FARS2: variants seen among roughly 807,000 people sequenced by gnomAD.
The protein encoded by FARS2 is phenylalanyl-tRNA synthetase 2, mitochondrial.
In FARS2, 40 loss-of-function variants were observed where a neutral mutation model predicts 46.4. That is an observed-to-expected ratio of 0.86 (90% CI 0.67 to 1.12). FARS2 has a LOEUF of 1.12. FARS2 is among the 50% of genes most tolerant of loss of function. FARS2 has a pLI of 0.00. For missense variants in FARS2, 513 were observed against 567.9 expected (o/e 0.90, Z 0.98); for synonymous variants, 234 against 214.9 (o/e 1.09, Z -0.78).
At chr6:5,701,295 C>T (rs1416551704) in intron 6 of FARS2, among the ~76,000 whole-genome samples, 1 of 152,258 alleles carries the variant, frequency 6.6e-6, no homozygotes, top group Non-Finnish European at 1.5e-5. Flanking sequence ...CATGAAAAGC[C>T]GGTGTTAGTG....
intron 4 of FARS2, among the ~76,000 whole-genome samples, chr6:5,459,534 G>A (rs755944446): frequency 1.3e-5 from 2 of 152,036 alleles, no homozygotes; most frequent in Non-Finnish European, 2.9e-5. Flanking sequence ...AATGTGCTCC[G>A]GTTGCCTGCT....
At chr6:5,752,579 A>G (rs745687094) in intron 6 of FARS2, among the ~76,000 whole-genome samples, 28 of 152,252 alleles carry the variant, frequency 1.8e-4, no homozygotes, top group Admixed American at 3.9e-4. Context: ...AGCAAGGATC[A>G]CTGCCAGAGT....
At chr6:5,527,377 G>A (rs987336339) in intron 4 of FARS2, among the ~76,000 whole-genome samples, 3 of 152,292 alleles carry the variant, frequency 2.0e-5, no homozygotes, top group Middle Eastern at 3.4e-3. Context: ...TATTCTTTCC[G>A]AAAGACTTAT....
chr6:5,684,959 G>T (rs774689382), intron 6 of FARS2, among the ~76,000 whole-genome samples: 6 of 152,164 alleles, frequency 3.9e-5, no homozygotes, highest in Admixed American at 6.5e-5. Flanking sequence ...AAAAGATTAA[G>T]TGGAGCCGGA....
At chr6:5,624,270 C>G (rs146119023) in intron 6 of FARS2, among the ~76,000 whole-genome samples, 1 of 152,336 alleles carries the variant, frequency 6.6e-6, no homozygotes, top group Non-Finnish European at 1.5e-5. Flanking sequence ...GCATCTCATT[C>G]CCATCACATA....
the FARS2 span, among the ~76,000 whole-genome samples, chr6:5,254,342 A>C: frequency 6.2e-4 from 94 of 152,360 alleles, no homozygotes; most frequent in African/African-American, 2.2e-3. Context: ...AGCAGGATGA[A>C]GAAAATGCTT....
At chr6:5,738,433 G>A (rs147783234) in intron 6 of FARS2, among the ~76,000 whole-genome samples, 1 of 152,156 alleles carries the variant, frequency 6.6e-6, no homozygotes, top group South Asian at 2.1e-4. Context: ...ACATTACTAC[G>A]ATCCAAAGTG....
intron 4 of FARS2, among the ~76,000 whole-genome samples, chr6:5,518,502 A>G (rs940617576): frequency 5.9e-5 from 9 of 152,230 alleles, no homozygotes; most frequent in Admixed American, 6.5e-5. Flanking sequence ...TAAAACAGTG[A>G]AATTCTATGA....
chr6:5,434,468 G>A (rs1189390587), intron 4 of FARS2, among the ~76,000 whole-genome samples: 1 of 152,176 alleles, frequency 6.6e-6, no homozygotes, highest in East Asian at 1.9e-4. Context: ...TGGAAGAAGA[G>A]ACAATTTTAT....
the FARS2 span, among the ~76,000 whole-genome samples, chr6:5,250,890 T>TCTC: frequency 6.6e-6 from 1 of 152,362 alleles, no homozygotes; most frequent in East Asian, 1.9e-4. Flanking sequence ...AGCAAAACTC[T>TCTC]TATTTGGCTG....
chr6:5,576,609 A>T (rs1035005784), intron 5 of FARS2, among the ~76,000 whole-genome samples: 1 of 147,346 alleles, frequency 6.8e-6, no homozygotes, highest in African/African-American at 2.5e-5. Flanking sequence ...TATATTATAT[A>T]TATAAAGTAT....
intron 4 of FARS2, among the ~76,000 whole-genome samples, chr6:5,456,278 C>G (rs748239037): frequency 2.0e-5 from 3 of 152,158 alleles, no homozygotes; most frequent in Admixed American, 6.5e-5. Context: ...GCCAGGTACT[C>G]TCCCAGGTGC....
intron 4 of FARS2, among the ~76,000 whole-genome samples, chr6:5,507,974 T>C (rs1295119967): frequency 6.6e-6 from 1 of 152,230 alleles, no homozygotes; most frequent in East Asian, 1.9e-4. Context: ...AAGCAAGTGA[T>C]TGAGAGTTCT....
chr6:5,593,102 G>A lies in FARS2; in HGVS notation c.1066-20067G>A, dbSNP rs539965918. Among the ~76,000 whole-genome samples the A allele has an allele frequency of 7.9e-5, 12 of 152,314 alleles. No individual in the cohort carries two copies. The South Asian group carries it at 8.3e-4, about 11-fold the overall frequency. ...TAGAAAGGGTGAGCCGACCAAAGCC[G>A]TCCTGAGCAATGCCGTGCTTCTGGT... On this transcript the variant is annotated intron_variant, in intron 5 of 6. Transcript: ENST00000274680.
rs552760016 is a variant in FARS2, at chr6:5,564,116, A to G, written c.1065+18776A>G. On this transcript the variant is annotated intron_variant, in intron 5 of 6. Transcript: ENST00000274680. Reference sequence around the variant, plus strand: ...AATAATTAAGCAAAATACTACAGCAATGGAAACTCTCTGTCCAATATTTCA... The same window carrying G: ...AATAATTAAGCAAAATACTACAGCAGTGGAAACTCTCTGTCCAATATTTCA... 1.5e-4 allele frequency among the ~76,000 whole-genome samples: 23 copies of G among 151,724 alleles called. No individual in the cohort carries two copies. In the South Asian group the frequency reaches 4.8e-3, roughly 31 times the overall value.
At chr6:5,508,800 A>G (rs115301154) in intron 4 of FARS2, among the ~76,000 whole-genome samples, 1,557 of 152,320 alleles carry the variant, frequency 0.01, 24 homozygotes, top group African/African-American at 0.035. Context: ...ATGGGAAGCT[A>G]TCCCGCACGG....
At chr6:5,680,734 G>A (rs1359321703) in intron 6 of FARS2, among the ~76,000 whole-genome samples, 5 of 128,302 alleles carry the variant, frequency 3.9e-5, no homozygotes, top group Non-Finnish European at 8.1e-5. Context: ...AAGTACAGAC[G>A]TTGTCTTTTT....
intron 5 of FARS2, among the ~76,000 whole-genome samples, chr6:5,580,940 T>G (rs1333817180): frequency 6.6e-6 from 1 of 152,344 alleles, no homozygotes; most frequent in East Asian, 1.9e-4. Flanking sequence ...AAACAGAACC[T>G]TTGGGAAAGT....
At chr6:5,492,242 A>G (rs979633182) in intron 4 of FARS2, among the ~76,000 whole-genome samples, 9 of 152,256 alleles carry the variant, frequency 5.9e-5, no homozygotes, top group Non-Finnish European at 7.3e-5. Context: ...GTATATTGTC[A>G]TATTTGAACG....
Sources: allele counts gnomAD v4.1 joint callset (sites outside exome capture counted in the v4.1 genomes callset), GRCh38; gene constraint gnomAD v4.1.1; transcripts MANE v1.5; gene names NCBI Gene and HGNC (gene_info 2026-07-23, HGNC 2026-07-21).